The following PIGX variants were observed in gnomAD, a reference collection of about 807,000 sequenced individuals.
PIGX encodes the protein GPI alpha-1,4-mannosyltransferase I, stabilizing subunit.
Under a neutral mutation model 28.7 loss-of-function variants are expected in PIGX, and 24 were observed. That is an observed-to-expected ratio of 0.84 (90% CI 0.60 to 1.17). The LOEUF is 1.17. Among genes scored for constraint, PIGX ranks in the 50% most tolerant of loss-of-function variants. PIGX has a pLI of 0.00. For missense variants in PIGX, 305 were observed against 317.8 expected (o/e 0.96, Z 0.31); for synonymous variants, 127 against 121.0 (o/e 1.05, Z -0.33).
chr3:196,731,614 T>G (rs566785307), intron 5 of PIGX, among the ~76,000 whole-genome samples: 1 of 152,330 alleles, frequency 6.6e-6, no homozygotes, highest in South Asian at 2.1e-4. Flanking sequence ...TCTTATGCAG[T>G]GTAGAGTTGT....
In PIGX at chr3:196,719,865, C is replaced by G. The variant is rs189919979; in HGVS notation, c.177-2550C>G. Among the ~76,000 whole-genome samples the G allele has an allele frequency of 2.1e-3, 317 of 152,112 alleles. 2 individuals are homozygous for G. Among genetic ancestry groups the G allele is most frequent in the African/African-American group, 7.3e-3 (304 of 41,500 alleles). On this transcript the variant is annotated intron_variant, in intron 2 of 5. Transcript: ENST00000392391. ...GAGTGCATGGCGCGATCTCGGCGCA[C>G]TGCAACTTCCGATTCCCTGGTTCAA...
At position 196,728,072 on chromosome 3, in the gene PIGX, C is replaced by T; in HGVS notation, c.468C>T (p.His156=). ...TGCACTGCCGCTATCATCGGCCGCA[C>T]AGTGAAGATGGAGAAGCCTCGATTG... The change falls in exon 4 of 6, where the codon CAC becomes CAT. Residue 156 remains histidine, a synonymous_variant. Coordinates refer to ENST00000392391, the MANE Select transcript of PIGX (RefSeq NM_017861.4). 6 of 1,614,120 alleles carry T rather than the reference C, an allele frequency of 3.7e-6. No homozygotes were observed. Among genetic ancestry groups the T allele is most frequent in the Non-Finnish European group, 5.1e-6 (6 of 1,180,010 alleles).
chr3:196,719,044 C>CT (rs1196570338), intron 2 of PIGX, among the ~76,000 whole-genome samples: 4 of 152,058 alleles, frequency 2.6e-5, no homozygotes, highest in Admixed American at 6.6e-5. Context: ...CTTTTATCGT[C>CT]TTTATCTTCA....
chr3:196,712,887 C>T (rs1711891987), intron 1 of PIGX: 2 of 1,067,602 alleles, frequency 1.9e-6, no homozygotes. Context: ...ACTGGCCGCC[C>T]TGTTACTAAA....
intron 3 of PIGX, among the ~76,000 whole-genome samples, chr3:196,724,027 T>G (rs34406066): frequency 0.018 from 2,709 of 150,592 alleles, 29 homozygotes; most frequent in Non-Finnish European, 0.03. Context: ...TTAATGTTTT[T>G]TTTTTTTTTT....
Position 196,733,871 on chromosome 3 carries a change from C to T in PIGX, c.746C>T (p.Ala249Val). Residue 249 changes from alanine (A) to valine (V), a missense_variant, in exon 6 of 6, where the codon GCA (alanine) becomes GTA (valine). By Grantham distance (64) the Ala-to-Val change is moderately conservative. Coordinates refer to ENST00000392391, the MANE Select transcript of PIGX (RefSeq NM_017861.4). The surrounding 1 kb of genome is among the most constrained non-coding windows in gnomAD (Gnocchi z 4.3). ...CTGTGCTCTACATTGATCCTTGTAG[C>T]AGTTTTCAAATATGGCCATTTTTCC... is the stretch of plus-strand genomic sequence containing the variant. The T allele has an allele frequency of 6.2e-7, 1 of 1,604,968 alleles. No individual in the cohort carries two copies. The highest frequency in any genetic ancestry group is 8.5e-7 in the Non-Finnish European group (1 of 1,171,742).
At chr3:196,717,903 A>G (rs1712164089) in intron 2 of PIGX, 1 of 152,234 alleles carries the variant, frequency 6.6e-6, no homozygotes, top group South Asian at 2.1e-4. Flanking sequence ...TCTGGTAAAA[A>G]GGTGTGGAAA....
At chr3:196,722,372 C>G in intron 2 of PIGX, 43 bp from the exon 3 acceptor site, 1 of 1,440,052 alleles carries the variant, frequency 6.9e-7, no homozygotes, top group Admixed American at 1.9e-5. Flanking sequence ...TCTCATTTAA[C>G]AGTTGAATGA....
intron 4 of PIGX, among the ~76,000 whole-genome samples, chr3:196,730,666 T>C (rs1712711974): frequency 6.8e-6 from 1 of 147,328 alleles, no homozygotes; most frequent in African/African-American, 2.5e-5. Context: ...GAGAATCGCT[T>C]GAACCCAGGA....
chr3:196,727,247 A>G (rs768755917), intron 3 of PIGX, among the ~76,000 whole-genome samples: 1 of 152,236 alleles, frequency 6.6e-6, no homozygotes, highest in Non-Finnish European at 1.5e-5. Flanking sequence ...ATGTATGTAT[A>G]TGTGGATATA....
In PIGX at chr3:196,722,568, A is replaced by G; in HGVS notation, c.318+12A>G. 11 of 1,607,082 alleles carry G rather than the reference A, an allele frequency of 6.8e-6. No homozygotes were observed. The highest frequency in any genetic ancestry group is 9.3e-6 in the Non-Finnish European group (11 of 1,176,658). Reference sequence around the variant, plus strand: ...GAAACATAACAGAGGTACAGTTATTAGGGGATTTTTTGGGAGAGAAATTAA... The same window carrying G: ...GAAACATAACAGAGGTACAGTTATTGGGGGATTTTTTGGGAGAGAAATTAA... On this transcript the variant is annotated intron_variant, in intron 3 of 5. Transcript: ENST00000392391.
chr3:196,715,863 T>C (rs7627914), intron 1 of PIGX, among the ~76,000 whole-genome samples: 61,183 of 151,994 alleles, frequency 0.4, 12,472 homozygotes, highest in East Asian at 0.57. Context: ...TCTTGCTATG[T>C]TGTCCAGGCT....
intron 1 of PIGX, among the ~76,000 whole-genome samples, chr3:196,716,494 T>G (rs1027007301): frequency 6.6e-6 from 1 of 152,192 alleles, no homozygotes; most frequent in African/African-American, 2.4e-5. Context: ...TAAAAAACAC[T>G]TACATAGAAC....
intron 3 of PIGX, among the ~76,000 whole-genome samples, chr3:196,725,705 C>T (rs750793527): frequency 2.0e-5 from 3 of 151,970 alleles, no homozygotes; most frequent in Non-Finnish European, 4.4e-5. Flanking sequence ...ACAAAATGAG[C>T]GGTAACAGTG....
At chr3:196,724,989 T>A (rs1006479685) in intron 3 of PIGX, among the ~76,000 whole-genome samples, 1 of 152,198 alleles carries the variant, frequency 6.6e-6, no homozygotes, top group Non-Finnish European at 1.5e-5. Context: ...AGCAAAATGC[T>A]TTGTAAGGAG....
chr3:196,726,027 G>C (rs1335027627), intron 3 of PIGX, among the ~76,000 whole-genome samples: 1 of 152,132 alleles, frequency 6.6e-6, no homozygotes, highest in Non-Finnish European at 1.5e-5. Context: ...TAGCAGCTAG[G>C]CAAGGATGGG....
At position 196,712,509 on chromosome 3, in the gene PIGX, C is replaced by T. The variant is rs1423708341; in HGVS notation, c.-24C>T. 7.1e-6 allele frequency: 8 copies of T among 1,122,944 alleles called. No individual in the cohort carries two copies. Among genetic ancestry groups the T allele is most frequent in the Non-Finnish European group, 7.7e-6 (7 of 908,882 alleles). 69.6% of individuals were successfully genotyped at this position (1,122,944 alleles called of 1,614,324 possible). A position where few individuals can be genotyped will look rare whatever the true frequency, so the allele number is the denominator to read the frequency against. ...TCCGCACCTGGCCCCGCGCGCCCCT[C>T]TCGGGCGTCCGGCTTCCGGCGTCCT... On this transcript the variant is annotated 5_prime_UTR_variant, in exon 1 of 6. Transcript: ENST00000392391.
rs1248168633 is a variant in PIGX at position 196,731,060 on chromosome 3, ATC to A, written c.603_604del (p.Ile201MetfsTer9). The stretch of plus-strand genomic sequence containing the variant: ...CCCTTGTGCTTTGGAGAATGAGGAT[ATC>A]TGCCAATGGAACAAGATGAAGTATA... On this transcript the variant is annotated frameshift_variant, in exon 5 of 6. Coordinates refer to ENST00000392391, the MANE Select transcript of PIGX (RefSeq NM_017861.4). LOFTEE classifies it high-confidence loss of function. The A allele has an allele frequency of 3.7e-6, 6 of 1,605,988 alleles. No individual in the cohort carries two copies. Among genetic ancestry groups the A allele is most frequent in the Non-Finnish European group, 5.1e-6 (6 of 1,172,852 alleles).
chr3:196,733,525 T>C lies in PIGX; in HGVS notation c.634-234T>C, dbSNP rs7650860. On this transcript the variant is annotated intron_variant, in intron 5 of 5. Transcript: ENST00000392391. The surrounding 1 kb of genome is among the most constrained non-coding windows in gnomAD (Gnocchi z 4.3). ...CTCCCGGGTTCAAGTGATTGTTCTG[T>C]CTTAGCCTCCCTAGTAGCTGGGACT... Among the ~76,000 whole-genome samples, 2,454 of 152,206 alleles carry C rather than the reference T, an allele frequency of 0.016. 57 individuals carry two copies. Among genetic ancestry groups the C allele is most frequent in the African/African-American group, 0.056 (2,321 of 41,524 alleles).
Sources: gnomAD v4.1 joint callset for allele counts (sites outside exome capture counted in the v4.1 genomes callset) on GRCh38, gnomAD v4.1.1 for gene constraint, Gnocchi (gnomAD v3.1) non-coding constraint, MANE v1.5 for transcripts, NCBI Gene and HGNC (gene_info 2026-07-23, HGNC 2026-07-21) for gene names.